Variants in MYT1L observed in about 807,000 individuals in gnomAD.
The protein encoded by MYT1L is myelin transcription factor 1 like.
In MYT1L, 12 loss-of-function variants were observed where a neutral mutation model predicts 126.7. That is an observed-to-expected ratio of 0.09 (90% CI 0.06 to 0.15). The LOEUF (loss-of-function observed/expected upper bound fraction) is 0.15. Among genes scored for constraint, MYT1L ranks in the 10% least tolerant of loss-of-function variants. The probability of loss-of-function intolerance (pLI) is 1.00; values close to 1 mark genes in which losing one functional copy is unlikely to be tolerated. For synonymous variants in MYT1L, 541 were observed against 604.2 expected, an observed-to-expected ratio of 0.90 and a Z score of 1.53; for missense variants, 979 against 1,585.2, an observed-to-expected ratio of 0.62 and a Z score of 6.49.
In MYT1L at chr2:2,175,230, G is replaced by A. The variant is rs185522995; in HGVS notation, c.-420-2242C>T. Reference sequence around the variant, plus strand: ...CAGGGCGGTGCCCACCACCCCTGTGGGACACAGATGGAAAGAAGCCAGCTC... The same window carrying A: ...CAGGGCGGTGCCCACCACCCCTGTGAGACACAGATGGAAAGAAGCCAGCTC... On this transcript the variant is annotated intron_variant, in intron 2 of 24. Coordinates refer to ENST00000647738, the MANE Select transcript of MYT1L (RefSeq NM_001303052.2). Among the ~76,000 whole-genome samples the A allele has an allele frequency of 1.7e-3, 259 of 152,182 alleles. 3 individuals carry two copies. Among genetic ancestry groups the A allele is most frequent in the African/African-American group, 5.5e-3 (229 of 41,466 alleles).
At chr2:2,242,127 G>A (rs747946333) in intron 2 of MYT1L, among the ~76,000 whole-genome samples, 4 of 152,190 alleles carry the variant, frequency 2.6e-5, no homozygotes, top group East Asian at 1.9e-4. Context: ...TCAGAAGTAC[G>A]AGCTTTCTTC....
chr2:2,099,641 T>C (rs189620525), intron 3 of MYT1L, among the ~76,000 whole-genome samples: 1 of 152,340 alleles, frequency 6.6e-6, no homozygotes, highest in East Asian at 1.9e-4. Flanking sequence ...ACATCCTTTT[T>C]GATTCATTTT....
intron 21 of MYT1L, among the ~76,000 whole-genome samples, chr2:1,835,944 C>T (rs963872304): frequency 1.3e-5 from 2 of 152,170 alleles, no homozygotes; most frequent in African/African-American, 2.4e-5. Flanking sequence ...CCTTTCCCAT[C>T]AAGCTGTGGC....
rs897641583 is a variant in MYT1L at position 1,883,027 on chromosome 2, C to T, written c.2711+3512G>A. Among the ~76,000 whole-genome samples the T allele has an allele frequency of 5.3e-5, 8 of 152,172 alleles. 1 individual carries two copies. In the East Asian group the frequency reaches 5.8e-4, roughly 11 times the overall value. Reference sequence around the variant, plus strand: ...GGGACTACTGCGCGTACGGGACCATCGCAAGGCCAAGGGACCAAAAGTACA... The same window carrying T: ...GGGACTACTGCGCGTACGGGACCATTGCAAGGCCAAGGGACCAAAAGTACA... On this transcript the variant is annotated intron_variant, in intron 18 of 24. Coordinates refer to ENST00000647738, the MANE Select transcript of MYT1L (RefSeq NM_001303052.2).
Position 1,919,706 on chromosome 2 carries a change from TTAGTTTTAATTTAATTTAATTTAATA to T in MYT1L, c.1484-2393_1484-2368del, listed in dbSNP as rs769600112. On this transcript the variant is annotated intron_variant, in intron 10 of 24. Coordinates refer to ENST00000647738, the MANE Select transcript of MYT1L (RefSeq NM_001303052.2). ...GTGTTGGTGAGATAGTACCACAATT[TTAGTTTTAATTTAATTTAATTTAATA>T]TTATTTTATTTTTTGAGACGGAGTC... 2.6e-3 allele frequency among the ~76,000 whole-genome samples: 399 copies of T among 152,250 alleles called. 3 individuals are homozygous for T. The highest frequency in any genetic ancestry group is 4.7e-3 in the Non-Finnish European group (323 of 68,026).
intron 2 of MYT1L, among the ~76,000 whole-genome samples, chr2:2,198,832 C>A (rs552000234): frequency 7.2e-5 from 11 of 151,980 alleles, no homozygotes; most frequent in African/African-American, 2.4e-4. Context: ...GGCGACAGAG[C>A]GAGACTCTGT....
intron 21 of MYT1L, among the ~76,000 whole-genome samples, chr2:1,826,561 A>C (rs748228676): frequency 3.3e-5 from 5 of 152,092 alleles, no homozygotes; most frequent in African/African-American, 4.8e-5. Flanking sequence ...ACAGATGTTG[A>C]ATCTGACTCT....
chr2:2,213,523 T>C (rs1004410776), intron 2 of MYT1L, among the ~76,000 whole-genome samples: 1 of 152,018 alleles, frequency 6.6e-6, no homozygotes, highest in African/African-American at 2.4e-5. Flanking sequence ...GCAGGAGGAG[T>C]GTGCAGTGCT....
intron 23 of MYT1L, 134 bp from the exon 24 acceptor site, chr2:1,792,598 C>T (rs1282746510): frequency 2.0e-5 from 19 of 956,784 alleles, no homozygotes; most frequent in East Asian, 2.8e-5. Context: ...GGCCGGGCGC[C>T]GTGGCTCACG....
At chr2:2,096,490 T>C (rs1199482312) in intron 3 of MYT1L, among the ~76,000 whole-genome samples, 2 of 152,194 alleles carry the variant, frequency 1.3e-5, no homozygotes, top group African/African-American at 4.8e-5. Flanking sequence ...GTCTCCCGTA[T>C]CCAAGTCAAC....
chr2:1,796,051 A>G (rs1289812904), intron 23 of MYT1L, among the ~76,000 whole-genome samples: 1 of 152,272 alleles, frequency 6.6e-6, no homozygotes, highest in East Asian at 1.9e-4. Context: ...AAACAAAAAC[A>G]AAAGAATAAC....
At chr2:2,140,741 GTATT>G (rs2083854012) in intron 3 of MYT1L, among the ~76,000 whole-genome samples, 1 of 151,996 alleles carries the variant, frequency 6.6e-6, no homozygotes, top group Non-Finnish European at 1.5e-5. Context: ...CCTAATTTTT[GTATT>G]TTTAATAGAG....
intron 18 of MYT1L, among the ~76,000 whole-genome samples, chr2:1,866,374 A>G (rs933782577): frequency 5.9e-5 from 9 of 151,560 alleles, no homozygotes; most frequent in African/African-American, 2.2e-4. Flanking sequence ...CCTTACGAAG[A>G]TGAGAGAGAG....
At chr2:1,915,503 A>G (rs1348678907) in intron 11 of MYT1L, among the ~76,000 whole-genome samples, 1 of 152,248 alleles carries the variant, frequency 6.6e-6, no homozygotes, top group Non-Finnish European at 1.5e-5. Context: ...ATCCATAAAA[A>G]GGAGCTGATA....
intron 3 of MYT1L, among the ~76,000 whole-genome samples, chr2:2,172,076 C>T (rs1042752145): frequency 6.6e-6 from 1 of 152,140 alleles, no homozygotes; most frequent in Non-Finnish European, 1.5e-5. Context: ...ACCAGAGTTC[C>T]CATTCCATTC....
At chr2:2,126,504 C>T (rs2081712687) in intron 3 of MYT1L, among the ~76,000 whole-genome samples, 1 of 152,150 alleles carries the variant, frequency 6.6e-6, no homozygotes, top group Non-Finnish European at 1.5e-5. Flanking sequence ...ATCAAGATAA[C>T]CTCAGCCCCT....
At chr2:1,957,300 TGA>T (rs745410467) in intron 8 of MYT1L, among the ~76,000 whole-genome samples, 13 of 152,222 alleles carry the variant, frequency 8.5e-5, no homozygotes, top group Non-Finnish European at 4.4e-5. Context: ...TCTTGGGGTA[TGA>T]GTGGTTTTGG....
At chr2:1,915,188 T>A (rs894677045) in intron 11 of MYT1L, among the ~76,000 whole-genome samples, 1 of 152,182 alleles carries the variant, frequency 6.6e-6, no homozygotes, top group Non-Finnish European at 1.5e-5. Flanking sequence ...GAAATGATGA[T>A]TAGGGGAAAC....
intron 21 of MYT1L, among the ~76,000 whole-genome samples, chr2:1,809,501 T>C (rs2036250605): frequency 6.6e-6 from 1 of 152,158 alleles, no homozygotes. Context: ...GGAACTTTTG[T>C]AGAGTGATAA....
Sources: gnomAD v4.1 joint callset for allele counts (sites outside exome capture counted in the v4.1 genomes callset) on GRCh38, gnomAD v4.1.1 for gene constraint, MANE v1.5 for transcripts, NCBI Gene and HGNC (gene_info 2026-07-23, HGNC 2026-07-21) for gene names.